Variants in AVL9 observed in about 807,000 individuals in gnomAD.
AVL9 encodes the protein AVL9 cell migration associated.
AVL9 carries 49 observed loss-of-function variants against 79.2 expected under a neutral mutation model. That is an observed-to-expected ratio of 0.62 (90% CI 0.49 to 0.79). The LOEUF (loss-of-function observed/expected upper bound fraction) is 0.79, where lower values mean the gene tolerates loss of function less well. AVL9 is among the 30% of genes least tolerant of loss of function. The pLI is 0.00. For missense variants in AVL9, 682 were observed against 776.8 expected (o/e 0.88, Z 1.45); for synonymous variants, 299 against 280.6 (o/e 1.07, Z -0.65).
intron 1 of AVL9, among the ~76,000 whole-genome samples, chr7:32,501,232 A>C (rs971605938): frequency 6.6e-6 from 1 of 152,236 alleles, no homozygotes; most frequent in South Asian, 2.1e-4. Flanking sequence ...TGACTCACTG[A>C]CAAGCCTTTT....
chr7:32,553,707 CT>C lies in AVL9; in HGVS notation c.530-14del. The C allele has an allele frequency of 1.2e-6, 2 of 1,601,270 alleles. No homozygotes were observed. The highest frequency in any genetic ancestry group is 1.7e-6 in the Non-Finnish European group (2 of 1,170,738). On this transcript the variant is annotated intron_variant, in intron 6 of 15. Transcript: ENST00000318709. ...ACATTACATTGTAGTCACACTTGAG[CT>C]TTTTTGTTAACATTGTAGGTCTGTC... is the stretch of plus-strand genomic sequence containing the variant.
At position 32,510,582 on chromosome 7, in the gene AVL9, G is replaced by C. The variant is rs1298167280; in HGVS notation, c.93+14780G>C. Among the ~76,000 whole-genome samples the C allele has an allele frequency of 1.9e-5, 2 of 107,824 alleles. 1 individual carries two copies. The highest frequency in any genetic ancestry group is 6.3e-4 in the South Asian group (2 of 3,158). 70.7% of individuals were successfully genotyped at this position (107,824 alleles called of 152,430 possible). A position where few individuals can be genotyped will look rare whatever the true frequency, so the allele number is the denominator to read the frequency against. ...CTCTCCAGGGTAAGATTTGTGAGCCGTCAGGTCTGGTTGTAGGAGTCCACA... is the reference window on the plus strand; with the variant it reads ...CTCTCCAGGGTAAGATTTGTGAGCCCTCAGGTCTGGTTGTAGGAGTCCACA... On this transcript the variant is annotated intron_variant, in intron 1 of 15. Transcript: ENST00000318709.
chr7:32,573,563 T>A, intron 12 of AVL9, 145 bp downstream of exon 12: 1 of 749,460 alleles, frequency 1.3e-6, no homozygotes, highest in South Asian at 1.9e-5. Context: ...ATAGCCACTT[T>A]TAACGTCTTT....
At chr7:32,578,620 C>T (rs950402741) in intron 13 of AVL9, among the ~76,000 whole-genome samples, 1 of 152,032 alleles carries the variant, frequency 6.6e-6, no homozygotes, top group Non-Finnish European at 1.5e-5. Flanking sequence ...CCAGCCTGGG[C>T]AACATGGTGA....
rs763931963 is a variant in AVL9, at chr7:32,573,324, C to G, written c.1476C>G (p.Phe492Leu). The stretch of plus-strand genomic sequence containing the variant: ...TGACTGAGAATCGGGATGACGTCTT[C>G]CTAGATGGCACGGGCTGGGAGGGAG... ...RHVTENRDDVFLDGTGWEGGD... is the reference protein window; with the variant it reads ...RHVTENRDDVLLDGTGWEGGD... Residue 492 changes from phenylalanine to leucine, a missense_variant, in exon 12 of 16, where the codon TTC (phenylalanine) becomes TTG (leucine). Physicochemically the swap from Phe to Leu is conservative, Grantham distance 22. Transcript: ENST00000318709. The G allele has an allele frequency of 1.2e-6, 2 of 1,613,822 alleles. No homozygotes were observed. The highest frequency in any genetic ancestry group is 1.7e-6 in the Non-Finnish European group (2 of 1,179,968).
intron 2 of AVL9, 124 bp downstream of exon 2, chr7:32,543,385 A>G (rs1456537811): frequency 4.1e-6 from 5 of 1,216,248 alleles, no homozygotes; most frequent in Non-Finnish European, 5.7e-6. Context: ...TAAAATATTT[A>G]CATGCTTGTT....
chr7:32,580,556 A>G (rs1791449220), intron 14 of AVL9, among the ~76,000 whole-genome samples: 1 of 152,206 alleles, frequency 6.6e-6, no homozygotes, highest in African/African-American at 2.4e-5. Context: ...CCATACATAC[A>G]TCCTTATGTC....
At chr7:32,573,896 C>T (rs1003978009) in intron 12 of AVL9, among the ~76,000 whole-genome samples, 2 of 151,934 alleles carry the variant, frequency 1.3e-5, no homozygotes, top group Non-Finnish European at 2.9e-5. Flanking sequence ...AATTTATAAC[C>T]CATTCTAAGA....
chr7:32,498,958 G>A, intron 1 of AVL9, among the ~76,000 whole-genome samples: 1 of 8 alleles, frequency 0.12, no homozygotes, highest in Non-Finnish European at 0.17. Flanking sequence ...GAGGTGAGGA[G>A]TTCGAAACCA....
At chr7:32,549,124 A>G (rs548420441) in intron 4 of AVL9, among the ~76,000 whole-genome samples, 97 of 151,904 alleles carry the variant, frequency 6.4e-4, no homozygotes, top group African/African-American at 2.3e-3. Context: ...TCTTATAGCT[A>G]TTGGAAAGTA....
chr7:32,541,238 T>C (rs1320396416), intron 1 of AVL9, among the ~76,000 whole-genome samples: 1 of 152,082 alleles, frequency 6.6e-6, no homozygotes, highest in Non-Finnish European at 1.5e-5. Context: ...ATTAAACTTT[T>C]TGGACCCTAA....
intron 1 of AVL9, among the ~76,000 whole-genome samples, chr7:32,508,766 C>T (rs1375319009): frequency 6.6e-6 from 1 of 152,186 alleles, no homozygotes; most frequent in Non-Finnish European, 1.5e-5. Context: ...TGTTATGCTA[C>T]TTTGGTATTA....
At chr7:32,548,957 C>T in intron 4 of AVL9, 39 bp downstream of exon 4, 1 of 1,334,918 alleles carries the variant, frequency 7.5e-7, no homozygotes, top group Non-Finnish European at 1.0e-6. Flanking sequence ...GTTAAACCTT[C>T]ATGGCAGATC....
intron 12 of AVL9, 59 bp downstream of exon 12, chr7:32,573,477 C>T (rs1217132138): frequency 1.4e-5 from 21 of 1,459,004 alleles, no homozygotes; most frequent in Non-Finnish European, 1.8e-5. Context: ...CATTTTGTAA[C>T]ATTTATGAGA....
chr7:32,517,818 T>TG (rs113410962), intron 1 of AVL9, among the ~76,000 whole-genome samples: 2,566 of 150,448 alleles, frequency 0.017, 68 homozygotes, highest in African/African-American at 0.058. Context: ...TGTGTTTTTT[T>TG]TTTGTTTGTT....
chr7:32,520,436 T>C (rs1283225943), intron 1 of AVL9, among the ~76,000 whole-genome samples: 2 of 152,178 alleles, frequency 1.3e-5, no homozygotes, highest in Non-Finnish European at 2.9e-5. Context: ...CTGATGAGTA[T>C]ATGTGATCCA....
At chr7:32,519,427 C>CAA (rs60258831) in intron 1 of AVL9, among the ~76,000 whole-genome samples, 57 of 124,838 alleles carry the variant, frequency 4.6e-4, no homozygotes, top group East Asian at 7.1e-4. Context: ...GACTCTGTCC[C>CAA]AAAAAAAAAA....
rs1400557868 is a variant in AVL9, at chr7:32,572,674, C to T, written c.1351-525C>T. ...AAAATTAGCCGGGCGTGGTGGTGGG[C>T]GCCTGTAGTCCCAGCTACTCAGGAG... On this transcript the variant is annotated intron_variant, in intron 11 of 15. Coordinates refer to ENST00000318709, the MANE Select transcript of AVL9 (RefSeq NM_015060.3). Among the ~76,000 whole-genome samples, 894 of 144,594 alleles carry T rather than the reference C, an allele frequency of 6.2e-3. 49 individuals are homozygous for T. Among genetic ancestry groups the T allele is most frequent in the African/African-American group, 0.024 (833 of 34,976 alleles). 94.9% of individuals were successfully genotyped at this position (144,594 alleles called of 152,430 possible).
chr7:32,527,013 A>G (rs1047963564), intron 1 of AVL9, among the ~76,000 whole-genome samples: 6 of 152,122 alleles, frequency 3.9e-5, no homozygotes, highest in African/African-American at 1.4e-4. Context: ...TCTCAAAACT[A>G]TGCAAGCACC....
Sources: gnomAD v4.1 joint callset for allele counts (sites outside exome capture counted in the v4.1 genomes callset) on GRCh38, gnomAD v4.1.1 for gene constraint, MANE v1.5 for transcripts, NCBI Gene and HGNC (gene_info 2026-07-23, HGNC 2026-07-21) for gene names.